NAT10: variants seen among roughly 807,000 people sequenced by gnomAD.
NAT10 encodes RNA cytidine acetyltransferase.
In NAT10, 109 loss-of-function variants were observed where a neutral mutation model predicts 132.2. The ratio of observed to expected loss-of-function variants is 0.82; its 90% confidence interval spans 0.71 to 0.97. The LOEUF (loss-of-function observed/expected upper bound fraction) is 0.97. Ranked by LOEUF, NAT10 falls within the 50% of genes least tolerant of loss-of-function variation. The probability of loss-of-function intolerance (pLI) is 0.00; values close to 1 mark genes in which losing one functional copy is unlikely to be tolerated. For missense variants in NAT10, 1,184 were observed against 1,263.4 expected (o/e 0.94, Z 0.95); for synonymous variants, 479 against 478.0 (o/e 1.00, Z -0.03).
intron 5 of NAT10, 31 bp downstream of exon 5, chr11:34,113,869 G>C: frequency 6.2e-7 from 1 of 1,608,584 alleles, no homozygotes; most frequent in South Asian, 1.1e-5. Flanking sequence ...TTAATTGTGA[G>C]GGTTCAAGTA....
In NAT10 at chr11:34,144,684, C is replaced by T. The variant is rs2132986598; in HGVS notation, c.2969+1156C>T. Among the ~76,000 whole-genome samples the T allele has an allele frequency of 1.3e-5, 2 of 152,282 alleles. 1 individual carries two copies. Among genetic ancestry groups the T allele is most frequent in the South Asian group, 4.1e-4 (2 of 4,824 alleles). ...ATCTTCACTCCAAGCTTCTTATCTG[C>T]AGAGTGGTGCATTTGTAAATAACTT... On this transcript the variant is annotated intron_variant, in intron 28 of 28. Coordinates refer to ENST00000257829, the MANE Select transcript of NAT10 (RefSeq NM_024662.3).
chr11:34,118,093 C>A, intron 6 of NAT10, 87 bp from the exon 7 acceptor site: 1 of 1,076,956 alleles, frequency 9.3e-7, no homozygotes, highest in Non-Finnish European at 1.4e-6. Context: ...CACTTGGGGC[C>A]AGTTAATTTT....
chr11:34,134,516 A>G lies in NAT10; in HGVS notation c.1841A>G (p.Gln614Arg). 3 of 1,614,184 alleles carry G rather than the reference A, an allele frequency of 1.9e-6. No homozygotes were observed. The highest frequency in any genetic ancestry group is 1.3e-5 in the African/African-American group (1 of 75,038). The part of the protein sequence containing the change: ...LIPWTVSEQF[Q>R]DPDFGGLSGG... ...TGGTTTGTGTCTCCCACACAGTTCC[A>G]AGATCCAGACTTTGGTGGTCTGTCT... The change falls in exon 18 of 29, where the codon CAA (glutamine) becomes CGA (arginine). Residue 614 changes from glutamine (Q) to arginine (R), a missense_variant. By Grantham distance (43) the Gln-to-Arg change is conservative. Transcript: ENST00000257829.
At chr11:34,139,339 C>T (rs374130758) in intron 22 of NAT10, 46 bp from the exon 23 acceptor site, 25 of 1,611,420 alleles carry the variant, frequency 1.6e-5, no homozygotes, top group Admixed American at 6.7e-5. Flanking sequence ...TGGGGGCTGC[C>T]GGGGATGCCT....
intron 8 of NAT10, among the ~76,000 whole-genome samples, chr11:34,119,366 C>T (rs1254005333): frequency 6.6e-6 from 1 of 152,248 alleles, no homozygotes; most frequent in African/African-American, 2.4e-5. Flanking sequence ...ACACCTCCCG[C>T]TTAGGGCTGA....
chr11:34,140,392 A>T lies in NAT10; in HGVS notation c.2420-8A>T. The T allele has an allele frequency of 6.2e-7, 1 of 1,611,174 alleles. No individual in the cohort carries two copies. Among genetic ancestry groups the T allele is most frequent in the Non-Finnish European group, 8.5e-7 (1 of 1,177,612 alleles). On this transcript the variant is annotated splice_polypyrimidine_tract_variant and splice_region_variant and intron_variant, in intron 23 of 28. Transcript: ENST00000257829. The stretch of plus-strand genomic sequence containing the variant: ...CCTAACCTGTCTAGCTCTCTATCCC[A>T]TGGACAGCCCTGAGCCGGGAGGAGC...
intron 15 of NAT10, among the ~76,000 whole-genome samples, chr11:34,132,669 G>A (rs975861211): frequency 1.3e-5 from 2 of 152,200 alleles, no homozygotes; most frequent in Non-Finnish European, 1.5e-5. Flanking sequence ...TTAATGGAAG[G>A]CTTGAAGAGT....
intron 5 of NAT10, 83 bp downstream of exon 5, chr11:34,113,921 G>C (rs1423817656): frequency 1.3e-6 from 2 of 1,537,816 alleles, no homozygotes; most frequent in African/African-American, 1.4e-5. Context: ...AAGAATTCCT[G>C]TTGGGCAGCT....
rs554461425 is a variant in NAT10 at position 34,142,755 on chromosome 11, C to T, written c.2885+407C>T. 2.2e-4 allele frequency among the ~76,000 whole-genome samples: 33 copies of T among 152,302 alleles called. No homozygotes were observed. In the South Asian group the frequency reaches 2.5e-3, roughly 11 times the overall value. Reference sequence around the variant, plus strand: ...AGCAAAACACCCCTTGCTCTAAAACCGTCTGGGAATCCTAGTCCCTTTTGT... The same window carrying T: ...AGCAAAACACCCCTTGCTCTAAAACTGTCTGGGAATCCTAGTCCCTTTTGT... On this transcript the variant is annotated intron_variant, in intron 27 of 28. Transcript: ENST00000257829.
At chr11:34,111,703 T>A (rs1309968173) in intron 3 of NAT10, among the ~76,000 whole-genome samples, 1 of 152,208 alleles carries the variant, frequency 6.6e-6, no homozygotes, top group Non-Finnish European at 1.5e-5. Flanking sequence ...AGCATTGGCT[T>A]ATGACTGAGA....
chr11:34,142,836 T>C (rs1328282166), intron 27 of NAT10, among the ~76,000 whole-genome samples: 1 of 152,200 alleles, frequency 6.6e-6, no homozygotes, highest in Non-Finnish European at 1.5e-5. Flanking sequence ...ATGTGAATAA[T>C]AACTCCAGAA....
At chr11:34,141,962 A>G in intron 26 of NAT10, 145 bp downstream of exon 26, 1 of 696,936 alleles carries the variant, frequency 1.4e-6, no homozygotes. Flanking sequence ...TTAATTGGAC[A>G]AACGGACCCA....
In NAT10 at chr11:34,141,117, A is replaced by G. The variant is rs1852319870; in HGVS notation, c.2621A>G (p.His874Arg). ...CTTCTCTTGGGGATTGGCCTGCAGC[A>G]TAAGTCTGTGGACCAGCTGGAAAAG... is the stretch of plus-strand genomic sequence containing the variant. Reference protein sequence around the residue: ...SALLLGIGLQHKSVDQLEKEI... With the variant: ...SALLLGIGLQRKSVDQLEKEI... The change falls in exon 25 of 29, where the codon CAT becomes CGT. Residue 874 changes from histidine (H) to arginine (R), a missense_variant. By Grantham distance (29) the His-to-Arg change is conservative (BLOSUM62 0). Coordinates refer to ENST00000257829, the MANE Select transcript of NAT10 (RefSeq NM_024662.3). 3.1e-6 allele frequency: 5 copies of G among 1,613,926 alleles called. No individual in the cohort carries two copies. The highest frequency in any genetic ancestry group is 1.3e-5 in the African/African-American group (1 of 74,860).
chr11:34,108,644 C>T, intron 2 of NAT10, 98 bp from the exon 3 acceptor site: 5 of 1,158,626 alleles, frequency 4.3e-6, no homozygotes, highest in Non-Finnish European at 6.2e-6. Flanking sequence ...TTCCCTGGCC[C>T]TCAGTTTAGT....
rs755169573 is a variant in NAT10, at chr11:34,133,150, A to T, written c.1734+8A>T. ...GTGCTTGCTGTTATCCAGGTATAGG[A>T]GCAGAGGCGTCCTTGTGGCAGTGAT... is the stretch of plus-strand genomic sequence containing the variant. On this transcript the variant is annotated splice_region_variant and intron_variant, in intron 16 of 28. Transcript: ENST00000257829. 19 of 1,591,406 alleles carry T rather than the reference A, an allele frequency of 1.2e-5. No homozygotes were observed. The highest frequency in any genetic ancestry group is 1.7e-4 in the Middle Eastern group (1 of 6,042).
rs142257891 is a variant in NAT10, at chr11:34,138,567, C to A, written c.2212-624C>A. 3.6e-3 allele frequency among the ~76,000 whole-genome samples: 545 copies of A among 152,154 alleles called. 4 individuals are homozygous for A. Among genetic ancestry groups the A allele is most frequent in the African/African-American group, 0.012 (513 of 41,488 alleles). ...AGGCTGAGGATGTAAGTTTGGCTGTCAGCTGCAAGGAGAACGCAAGCTAGT... is the reference window on the plus strand; with the variant it reads ...AGGCTGAGGATGTAAGTTTGGCTGTAAGCTGCAAGGAGAACGCAAGCTAGT... On this transcript the variant is annotated intron_variant, in intron 21 of 28. Coordinates refer to ENST00000257829, the MANE Select transcript of NAT10 (RefSeq NM_024662.3).
chr11:34,123,749 T>C lies in NAT10; in HGVS notation c.915-13T>C, dbSNP rs776497683. The C allele has an allele frequency of 6.5e-6, 10 of 1,530,102 alleles. No homozygotes were observed. In the Admixed American group the frequency reaches 1.8e-4, roughly 28 times the overall value. The allele number at this position is 1,530,102 out of a possible 1,614,324, so 94.8% of individuals were successfully genotyped here. A position where few individuals can be genotyped will look rare whatever the true frequency, so the allele number is the denominator to read the frequency against. ...TAATTTCTTAAAAATCCTTCTTTTATTTTGTTCTGTAGGTACTCCAATATC... is the reference window on the plus strand; with the variant it reads ...TAATTTCTTAAAAATCCTTCTTTTACTTTGTTCTGTAGGTACTCCAATATC... On this transcript the variant is annotated splice_polypyrimidine_tract_variant and intron_variant, in intron 9 of 28. Coordinates refer to ENST00000257829, the MANE Select transcript of NAT10 (RefSeq NM_024662.3).
chr11:34,125,291 G>A (rs1241571433), intron 11 of NAT10, among the ~76,000 whole-genome samples: 2 of 152,108 alleles, frequency 1.3e-5, no homozygotes, highest in East Asian at 1.9e-4. Context: ...CAGGCTGCAG[G>A]CAATGAGAAC....
Position 34,118,244 on chromosome 11 carries a change from C to CAAGTG in NAT10, c.622_623insAAGTG (p.Pro208GlnfsTer30). ...CATTGATGACCAGCTCAACATCCTG[C>CAAGTG]CCATCTCCTCCCACGTTGCCACCAT... On this transcript the variant is annotated frameshift_variant, in exon 7 of 29. Coordinates refer to ENST00000257829, the MANE Select transcript of NAT10 (RefSeq NM_024662.3). LOFTEE classifies it high-confidence loss of function. 6.2e-7 allele frequency: 1 copy of CAAGTG among 1,614,200 alleles called. No individual in the cohort carries two copies. The highest frequency in any genetic ancestry group is 8.5e-7 in the Non-Finnish European group (1 of 1,180,032).
Sources: allele counts gnomAD v4.1 joint callset (sites outside exome capture counted in the v4.1 genomes callset), GRCh38; gene constraint gnomAD v4.1.1; transcripts MANE v1.5; gene names NCBI Gene and HGNC (gene_info 2026-07-23, HGNC 2026-07-21).